LPAR3: variants seen among roughly 807,000 people sequenced by gnomAD.
The protein encoded by LPAR3 is lysophosphatidic acid receptor 3, also known as LPA receptor 3.
A neutral mutation model predicts 17.8 loss-of-function variants in LPAR3; 7 were observed. That is an observed-to-expected ratio of 0.39 (90% CI 0.22 to 0.74). The LOEUF is 0.74. LPAR3 is among the 30% of genes least tolerant of loss of function. LPAR3 has a pLI of 0.40. For missense variants in LPAR3, 391 were observed against 453.4 expected (o/e 0.86, Z 1.25); for synonymous variants, 179 against 179.9 (o/e 0.99, Z 0.04).
At chr1:84,862,279 G>C (rs996216435) in intron 2 of LPAR3, among the ~76,000 whole-genome samples, 15 of 152,168 alleles carry the variant, frequency 9.9e-5, no homozygotes, top group African/African-American at 3.6e-4. Flanking sequence ...TCTTGTTCTT[G>C]TCCATTTTCT....
chr1:84,892,253 A>ATAAT, intron 1 of LPAR3, among the ~76,000 whole-genome samples: 1 of 145,542 alleles, frequency 6.9e-6, no homozygotes, highest in African/African-American at 2.6e-5. Context: ...AAATAAATAA[A>ATAAT]TAAATAAAAA....
intron 1 of LPAR3, among the ~76,000 whole-genome samples, chr1:84,889,044 G>A (rs910747460): frequency 2.4e-4 from 36 of 152,066 alleles, no homozygotes; most frequent in African/African-American, 8.7e-4. Flanking sequence ...AGTATCAGGG[G>A]TCATGGGCAA....
intron 2 of LPAR3, among the ~76,000 whole-genome samples, chr1:84,839,530 T>C (rs1659469804): frequency 6.6e-6 from 1 of 152,022 alleles, no homozygotes; most frequent in Non-Finnish European, 1.5e-5. Context: ...AACAATTAGT[T>C]GGGCATGGTG....
intron 1 of LPAR3, among the ~76,000 whole-genome samples, chr1:84,884,871 T>A (rs1432418238): frequency 3.3e-5 from 5 of 152,234 alleles, no homozygotes; most frequent in South Asian, 2.1e-4. Context: ...GTTGCATACT[T>A]GCAGTGAACA....
In LPAR3 at chr1:84,820,282, C is replaced by T. The variant is rs530679246; in HGVS notation, c.737-6111G>A. 7.9e-5 allele frequency among the ~76,000 whole-genome samples: 12 copies of T among 152,272 alleles called. No homozygotes were observed. The East Asian group carries it at 2.3e-3, about 29-fold the overall frequency. On this transcript the variant is annotated intron_variant, in intron 2 of 2. Transcript: ENST00000370611. ...AAGCTCCCTAAGCAGGTATGCTGTG[C>T]CTCATGTGTTTGTATTCTTAGAACT...
At chr1:84,846,455 A>C (rs1659596092) in intron 2 of LPAR3, among the ~76,000 whole-genome samples, 1 of 152,190 alleles carries the variant, frequency 6.6e-6, no homozygotes, top group Non-Finnish European at 1.5e-5. Flanking sequence ...CATCAGGCTA[A>C]TTTTACAAGT....
chr1:84,892,397 T>A (rs925824103), intron 1 of LPAR3, among the ~76,000 whole-genome samples: 5 of 152,120 alleles, frequency 3.3e-5, no homozygotes, highest in African/African-American at 4.8e-5. Context: ...CTGCAACTTG[T>A]TGAGGGAAAG....
At chr1:84,890,057 G>A (rs534712429) in intron 1 of LPAR3, among the ~76,000 whole-genome samples, 33 of 152,290 alleles carry the variant, frequency 2.2e-4, no homozygotes, top group Non-Finnish European at 3.5e-4. Flanking sequence ...AAAGCACAAA[G>A]TCTCTGCACT....
intron 2 of LPAR3, among the ~76,000 whole-genome samples, chr1:84,818,291 C>T (rs921115377): frequency 4.6e-5 from 7 of 152,110 alleles, no homozygotes; most frequent in African/African-American, 1.7e-4. Context: ...TAGGAATTAT[C>T]GTATTATGAC....
chr1:84,823,248 G>T (rs988267913), intron 2 of LPAR3, among the ~76,000 whole-genome samples: 1 of 152,122 alleles, frequency 6.6e-6, no homozygotes, highest in African/African-American at 2.4e-5. Context: ...ATGCTCTTAC[G>T]ACATTAAAGA....
intron 2 of LPAR3, among the ~76,000 whole-genome samples, chr1:84,837,601 T>C (rs1287529296): frequency 6.6e-6 from 1 of 152,218 alleles, no homozygotes; most frequent in East Asian, 1.9e-4. Flanking sequence ...TAGCGAAGTC[T>C]TTATTATATA....
At position 84,821,085 on chromosome 1, in the gene LPAR3, C is replaced by CT. The variant is rs67024653; in HGVS notation, c.737-6915dup. Among the ~76,000 whole-genome samples the CT allele has an allele frequency of 4.3e-3, 582 of 136,684 alleles. 2 individuals are homozygous for CT. Among genetic ancestry groups the CT allele is most frequent in the East Asian group, 0.017 (79 of 4,758 alleles). The allele number at this position is 136,684 out of a possible 152,430, so 89.7% of individuals were successfully genotyped here. On this transcript the variant is annotated intron_variant, in intron 2 of 2. Transcript: ENST00000370611. ...ACACTATTTCTTACTGTGGGTACTG[C>CT]TTTTTTTTTTTTTTTAAAGTTTGAA...
intron 1 of LPAR3, among the ~76,000 whole-genome samples, chr1:84,868,861 C>T (rs1660104729): frequency 6.6e-6 from 1 of 152,026 alleles, no homozygotes; most frequent in South Asian, 2.1e-4. Context: ...TTATTAATTA[C>T]CTAAAGTATT....
intron 1 of LPAR3, among the ~76,000 whole-genome samples, chr1:84,891,062 T>G (rs1044322753): frequency 6.6e-6 from 1 of 152,118 alleles, no homozygotes; most frequent in Non-Finnish European, 1.5e-5. Flanking sequence ...CATACTTTAA[T>G]GTTTTAAATT....
chr1:84,878,752 G>A (rs1270859164), intron 1 of LPAR3, among the ~76,000 whole-genome samples: 1 of 152,124 alleles, frequency 6.6e-6, no homozygotes, highest in Non-Finnish European at 1.5e-5. Context: ...GGACCCCAGG[G>A]TTGTTTGTAA....
At chr1:84,821,647 G>A (rs545133179) in intron 2 of LPAR3, among the ~76,000 whole-genome samples, 41 of 152,246 alleles carry the variant, frequency 2.7e-4, no homozygotes, top group South Asian at 1.7e-3. Flanking sequence ...ATGCTTTTGC[G>A]TGGTAAAATT....
rs902445775 is a variant in LPAR3, at chr1:84,883,720, T to C, written c.-19+9296A>G. ...CATCCTTCTGGCCCAGGGATTTTTT[T>C]GTTTTTTTTTTTTTTAAACAATACT... On this transcript the variant is annotated intron_variant, in intron 1 of 2. Coordinates refer to ENST00000370611, the MANE Select transcript of LPAR3 (RefSeq NM_012152.3). Among the ~76,000 whole-genome samples the C allele has an allele frequency of 5.3e-5, 8 of 151,814 alleles. 1 individual carries two copies. The East Asian group carries it at 5.8e-4, about 11-fold the overall frequency.
chr1:84,827,585 A>T (rs1326893087), intron 2 of LPAR3, among the ~76,000 whole-genome samples: 1 of 152,114 alleles, frequency 6.6e-6, no homozygotes, highest in Non-Finnish European at 1.5e-5. Flanking sequence ...ATGACTGGAG[A>T]GCTGCCCTTC....
At chr1:84,854,588 C>T (rs777604992) in intron 2 of LPAR3, among the ~76,000 whole-genome samples, 17 of 152,184 alleles carry the variant, frequency 1.1e-4, no homozygotes, top group South Asian at 2.1e-4. Context: ...CAACCATAAA[C>T]CACTAGAGCA....
Sources: gnomAD v4.1 joint callset for allele counts (sites outside exome capture counted in the v4.1 genomes callset) on GRCh38, gnomAD v4.1.1 for gene constraint, MANE v1.5 for transcripts, NCBI Gene and HGNC (gene_info 2026-07-23, HGNC 2026-07-21) for gene names.